The following ZSCAN5A variants were observed in gnomAD, a reference collection of about 807,000 sequenced individuals.
ZSCAN5A encodes zinc finger and SCAN domain-containing protein 5A.
A neutral mutation model predicts 23.7 loss-of-function variants in ZSCAN5A; 12 were observed. The ratio of observed to expected loss-of-function variants is 0.51; its 90% CI spans 0.32 to 0.82. ZSCAN5A has a LOEUF of 0.82. Among genes scored for constraint, ZSCAN5A ranks in the 40% least tolerant of loss-of-function variants. The pLI is 0.03. For missense variants in ZSCAN5A, 597 were observed against 617.9 expected (o/e 0.97, Z 0.36); for synonymous variants, 257 against 239.9 (o/e 1.07, Z -0.66).
chr19:56,365,938 C>G (rs2041761205), intron 1 of ZSCAN5A: 1 of 152,260 alleles, frequency 6.6e-6, no homozygotes, highest in South Asian at 2.1e-4. Context: ...TGAGAAAAGT[C>G]CCCAGCTGGT....
chr19:56,242,206 T>C (rs1387893037), intron 2 of ZSCAN5A, among the ~76,000 whole-genome samples: 1 of 152,260 alleles, frequency 6.6e-6, no homozygotes, highest in Non-Finnish European at 1.5e-5. Flanking sequence ...ACTCGTTCCA[T>C]GTGTCTTTTT....
chr19:56,293,169 C>A (rs2039632762), intron 2 of ZSCAN5A, among the ~76,000 whole-genome samples: 1 of 152,174 alleles, frequency 6.6e-6, no homozygotes, highest in Non-Finnish European at 1.5e-5. Context: ...AAAATGGTAT[C>A]CTGCAGCTCA....
At chr19:56,288,497 A>T (rs997732145) in intron 2 of ZSCAN5A, among the ~76,000 whole-genome samples, 6 of 151,804 alleles carry the variant, frequency 4.0e-5, no homozygotes, top group Non-Finnish European at 8.8e-5. Context: ...TACCCAGAAT[A>T]CTCATCCCAA....
intron 2 of ZSCAN5A, among the ~76,000 whole-genome samples, chr19:56,257,028 G>A (rs1278043323): frequency 7.9e-5 from 12 of 152,146 alleles, no homozygotes; most frequent in African/African-American, 2.9e-4. Context: ...AGGTGTATTT[G>A]CCATCAGGGG....
intron 2 of ZSCAN5A, among the ~76,000 whole-genome samples, chr19:56,255,184 GA>G (rs2036612614): frequency 1.3e-5 from 2 of 152,074 alleles, no homozygotes; most frequent in African/African-American, 4.8e-5. Context: ...GCTCCCATTG[GA>G]AACAGGAAAG....
At chr19:56,333,631 G>T (rs1054609583) in intron 2 of ZSCAN5A, among the ~76,000 whole-genome samples, 8 of 151,998 alleles carry the variant, frequency 5.3e-5, no homozygotes, top group African/African-American at 1.7e-4. Context: ...TTTTTTGAGA[G>T]CTTCTCTTAG....
intron 2 of ZSCAN5A, among the ~76,000 whole-genome samples, chr19:56,284,417 G>A (rs2147093469): frequency 6.6e-6 from 1 of 152,048 alleles, no homozygotes; most frequent in Admixed American, 6.6e-5. Context: ...GCCCAGAAGT[G>A]GATCTGATAT....
At chr19:56,327,154 T>A (rs1369613600) in intron 2 of ZSCAN5A, among the ~76,000 whole-genome samples, 2 of 152,020 alleles carry the variant, frequency 1.3e-5, no homozygotes, top group East Asian at 3.9e-4. Context: ...GTCTCTAATG[T>A]CACCCAGGCT....
At chr19:56,365,201 T>A (rs2041757270) in intron 1 of ZSCAN5A, 1 of 152,208 alleles carries the variant, frequency 6.6e-6, no homozygotes, top group Non-Finnish European at 1.5e-5. Flanking sequence ...TTATTGTTGA[T>A]CTTGAGAAAT....
chr19:56,300,912 G>C (rs2040183109), intron 2 of ZSCAN5A, among the ~76,000 whole-genome samples: 1 of 152,142 alleles, frequency 6.6e-6, no homozygotes, highest in Admixed American at 6.5e-5. Flanking sequence ...TTTGACATAA[G>C]AAAGCGACAC....
Position 56,221,593 on chromosome 19 carries a change from T to C in ZSCAN5A, c.1473A>G (p.Pro491=). The C allele has an allele frequency of 6.2e-7, 1 of 1,603,406 alleles. No homozygotes were observed. The highest frequency in any genetic ancestry group is 1.1e-5 in the South Asian group (1 of 89,924). ...KLLRRHQKTH[P]EATSQ Reference sequence around the variant, plus strand: ...TATGCAATCACTGAGAAGTAGCTTCTGGATGTGTTTTCTGGTGGCGTCTTA... The same window carrying C: ...TATGCAATCACTGAGAAGTAGCTTCCGGATGTGTTTTCTGGTGGCGTCTTA... The change falls in exon 6 of 6, where the codon CCA becomes CCG. Residue 491 remains proline (P), a synonymous_variant. Transcript: ENST00000683990.
chr19:56,242,070 C>T (rs559467961), intron 2 of ZSCAN5A, among the ~76,000 whole-genome samples: 1,848 of 152,206 alleles, frequency 0.012, 15 homozygotes, highest in African/African-American at 0.042. Context: ...GCGGGATTGC[C>T]GGATCATGCA....
Position 56,351,207 on chromosome 19 carries a change from A to T in ZSCAN5A, c.-358+12028T>A, listed in dbSNP as rs2041665551. On this transcript the variant is annotated intron_variant, in intron 2 of 6. Coordinates refer to the ZSCAN5A transcript ENST00000587340. The surrounding 1 kb of genome is among the most constrained non-coding windows in gnomAD (Gnocchi z 4.8). ...TTTCTAACCAAGCAATCTCTTTTCT[A>T]ACCAAAAAGGCGGCTTCAAGGGCCG... Among the ~76,000 whole-genome samples the T allele has an allele frequency of 6.6e-6, 1 of 152,130 alleles. No homozygotes were observed. Among genetic ancestry groups the T allele is most frequent in the Non-Finnish European group, 1.5e-5 (1 of 68,018 alleles).
At chr19:56,290,031 T>C (rs1316388905) in intron 2 of ZSCAN5A, among the ~76,000 whole-genome samples, 2 of 152,232 alleles carry the variant, frequency 1.3e-5, no homozygotes, top group African/African-American at 4.8e-5. Flanking sequence ...CCAAGAGCAC[T>C]GGTCAAATGG....
intron 2 of ZSCAN5A, chr19:56,320,261 T>G (rs2041360985): frequency 2.0e-6 from 1 of 488,858 alleles, no homozygotes; most frequent in African/African-American, 2.0e-5. Flanking sequence ...CTTGCTCTGC[T>G]GCCCGGACAT....
At chr19:56,335,240 G>A (rs573873671) in intron 2 of ZSCAN5A, among the ~76,000 whole-genome samples, 1,142 of 88,480 alleles carry the variant, frequency 0.013, 12 homozygotes, top group Non-Finnish European at 0.018. Context: ...GGTAGACAAG[G>A]ATAGAAAAAA....
At chr19:56,329,006 AAAAT>A (rs1555811869) in intron 2 of ZSCAN5A, among the ~76,000 whole-genome samples, 194 of 144,304 alleles carry the variant, frequency 1.3e-3, no homozygotes, top group Middle Eastern at 3.7e-3. Flanking sequence ...AAAAAAAAAA[AAAAT>A]AAATAAATAA....
In ZSCAN5A at chr19:56,292,208, C is replaced by A. The variant is rs564629713; in HGVS notation, c.-128+21075G>T. Among the ~76,000 whole-genome samples, 12 of 152,340 alleles carry A rather than the reference C, an allele frequency of 7.9e-5. No individual in the cohort carries two copies. In the South Asian group the frequency reaches 2.3e-3, roughly 29 times the overall value. ...TCCCTGAAAAAGTCACTGTTTGCCA[C>A]ATGTGGGTAACATACATCTTTTAAA... On this transcript the variant is annotated intron_variant, in intron 2 of 5. Transcript: ENST00000683990.
chr19:56,338,151 T>G (rs1375268731), intron 2 of ZSCAN5A: 1 of 151,168 alleles, frequency 6.6e-6, no homozygotes, highest in Non-Finnish European at 1.5e-5. Context: ...CTTGCCAATA[T>G]CTCATTTTTT....
Sources: allele counts gnomAD v4.1 joint callset (sites outside exome capture counted in the v4.1 genomes callset), GRCh38; gene constraint gnomAD v4.1.1; non-coding constraint Gnocchi (gnomAD v3.1); transcripts MANE v1.5; gene names NCBI Gene and HGNC (gene_info 2026-07-23, HGNC 2026-07-21).